CS: variants seen among roughly 807,000 people sequenced by gnomAD.
CS encodes the protein citrate synthase.
Under a neutral mutation model 61.4 loss-of-function variants are expected in CS, and 13 were observed. The observed-to-expected ratio is 0.21, with a 90% CI of 0.14 to 0.34. The LOEUF is 0.34. Ranked by LOEUF, CS falls within the 10% of genes least tolerant of loss-of-function variation. CS has a pLI of 1.00. For synonymous variants in CS, 159 were observed against 215.2 expected (o/e 0.74, Z 2.29); for missense variants, 278 against 573.4 (o/e 0.48, Z 5.26).
chr12:56,296,033 T>C (rs548337296), intron 1 of CS, among the ~76,000 whole-genome samples: 1 of 150,922 alleles, frequency 6.6e-6, no homozygotes, highest in Non-Finnish European at 1.5e-5. Context: ...TACAAGAAAC[T>C]TTTCCAGATC....
At chr12:56,291,349 C>A in intron 1 of CS, 1 of 875,024 alleles carries the variant, frequency 1.1e-6, no homozygotes, top group Non-Finnish European at 1.4e-6. Context: ...TTCTTTCTTT[C>A]TTTCTTTTTT....
chr12:56,290,108 C>T (rs1873071244), intron 1 of CS, among the ~76,000 whole-genome samples: 1 of 151,968 alleles, frequency 6.6e-6, no homozygotes, highest in Non-Finnish European at 1.5e-5. Flanking sequence ...GTTGGCCAGG[C>T]TGGTCTCAAA....
At chr12:56,275,660 C>G (rs1308148887) in intron 7 of CS, 6 of 363,170 alleles carry the variant, frequency 1.7e-5, no homozygotes, top group Non-Finnish European at 3.1e-5. Flanking sequence ...TTGATGATGC[C>G]TGTATGCTCT....
At chr12:56,300,086 A>T (rs1337227844) in intron 1 of CS, 74 bp downstream of exon 1, 2 of 1,457,496 alleles carry the variant, frequency 1.4e-6, no homozygotes, top group Admixed American at 2.2e-5. Flanking sequence ...TGGGAGGGAG[A>T]CCCCGGCGCC....
chr12:56,277,327 G>A (rs1244038183), intron 6 of CS, among the ~76,000 whole-genome samples: 11 of 149,976 alleles, frequency 7.3e-5, no homozygotes, highest in Non-Finnish European at 7.4e-5. Flanking sequence ...GTGAAACCCC[G>A]TCTCTACTAA....
intron 1 of CS, chr12:56,291,866 T>C (rs1873134581): frequency 1.3e-5 from 2 of 152,222 alleles, no homozygotes; most frequent in Non-Finnish European, 2.9e-5. Flanking sequence ...CAGCCAGTAT[T>C]CTCTATAGGG....
At chr12:56,283,638 T>C (rs1294316766) in intron 4 of CS, among the ~76,000 whole-genome samples, 154 bp downstream of exon 4, 1 of 152,222 alleles carries the variant, frequency 6.6e-6, no homozygotes, top group Non-Finnish European at 1.5e-5. Context: ...AAAGGTAAAT[T>C]TGTTCTTCAA....
chr12:56,275,651 T>C (rs1022827258), intron 7 of CS: 3 of 329,996 alleles, frequency 9.1e-6, no homozygotes, highest in African/African-American at 6.4e-5. Flanking sequence ...GGTTACTGGT[T>C]GATGATGCCT....
At chr12:56,286,539 C>T in intron 2 of CS, 56 bp downstream of exon 2, 1 of 1,552,182 alleles carries the variant, frequency 6.4e-7, no homozygotes, top group South Asian at 1.1e-5. Flanking sequence ...TCCTCTGCCC[C>T]AAGGTCAGGC....
Position 56,271,779 on chromosome 12 carries a change from G to T in CS, c.*1305C>A, listed in dbSNP as rs1466317646. ...ATCATGACTTGACAGTTACCCAGGG[G>T]TTTACAGTGTGTCCAACTCAACAGT... is the stretch of plus-strand genomic sequence containing the variant. On this transcript the variant is annotated 3_prime_UTR_variant, in exon 11 of 11. Coordinates refer to ENST00000351328, the MANE Select transcript of CS (RefSeq NM_004077.3). The T allele has an allele frequency of 2.3e-6, 1 of 434,080 alleles. No homozygotes were observed. The highest frequency in any genetic ancestry group is 2.0e-5 in the African/African-American group (1 of 49,178). The allele number at this position is 434,080 out of a possible 1,614,324, so 26.9% of individuals were successfully genotyped here.
At chr12:56,288,672 G>C (rs1347286167) in intron 1 of CS, among the ~76,000 whole-genome samples, 2 of 151,734 alleles carry the variant, frequency 1.3e-5, no homozygotes, top group African/African-American at 2.4e-5. Context: ...AGGCCCTTCA[G>C]AAAGGTCACT....
intron 1 of CS, chr12:56,298,555 A>G: frequency 2.3e-6 from 2 of 878,828 alleles, no homozygotes; most frequent in Non-Finnish European, 1.4e-6. Context: ...AGTGTCCCCC[A>G]TTCTGCCAAA....
In CS at chr12:56,282,567, C is replaced by T. The variant is rs546393279; in HGVS notation, c.441G>A (p.Leu147=). Residue 147 remains leucine (L), a synonymous_variant, in exon 6 of 11, where the codon CTG becomes CTA. Coordinates refer to ENST00000351328, the MANE Select transcript of CS (RefSeq NM_004077.3). ...LSKEWAKRAA[L]PSHVVTMLDN... is the part of the protein sequence containing the mutation. ...CCAGCATGGTGACCACATGGGAAGGCAGAGCTGCCCTCTTTGCCCACTCTT... is the reference window on the plus strand; with the variant it reads ...CCAGCATGGTGACCACATGGGAAGGTAGAGCTGCCCTCTTTGCCCACTCTT... 1.8e-5 allele frequency: 29 copies of T among 1,610,926 alleles called. 1 individual carries two copies. Among genetic ancestry groups the T allele is most frequent in the South Asian group, 1.7e-4 (15 of 90,546 alleles).
rs868654281 is a variant in CS, at chr12:56,294,851, C to A, written c.42+5309G>T. On this transcript the variant is annotated intron_variant, in intron 1 of 10. Coordinates refer to ENST00000351328, the MANE Select transcript of CS (RefSeq NM_004077.3). ...TGGCATGATCTCAGCTCACAGCAAC[C>A]TCTGCCACCCGGATTCAAGTGATTC... is the stretch of plus-strand genomic sequence containing the variant. 3.0e-4 allele frequency among the ~76,000 whole-genome samples: 46 copies of A among 152,254 alleles called. 1 individual carries two copies. Among genetic ancestry groups the A allele is most frequent in the Non-Finnish European group, 4.9e-4 (33 of 68,004 alleles).
chr12:56,273,228 G>A lies in CS; in HGVS notation c.1257C>T (p.Tyr419=). ...LQYYGMTEMN[Y]YTVLFGVSRA... is the part of the protein sequence containing the mutation. ...GTGACACCCCAAACAGGACCGTGTA[G>A]TAATTCATCTCCGTCATGCCATAAT... Residue 419 remains tyrosine, a synonymous_variant, in exon 11 of 11, where the codon TAC becomes TAT. Coordinates refer to ENST00000351328, the MANE Select transcript of CS (RefSeq NM_004077.3). The A allele has an allele frequency of 6.2e-7, 1 of 1,614,136 alleles. No homozygotes were observed. Among genetic ancestry groups the A allele is most frequent in the South Asian group, 1.1e-5 (1 of 91,062 alleles).
chr12:56,273,594 A>G lies in CS; in HGVS notation c.1223T>C (p.Leu408Pro). The G allele has an allele frequency of 6.2e-7, 1 of 1,613,990 alleles. No homozygotes were observed. Among genetic ancestry groups the G allele is most frequent in the Non-Finnish European group, 8.5e-7 (1 of 1,179,848 alleles). ...AGGGAAAGGAGGACTTACCTGGAGCAGCACCCCACTGTGAGCATCTACATT... is the reference window on the plus strand; with the variant it reads ...AGGGAAAGGAGGACTTACCTGGAGCGGCACCCCACTGTGAGCATCTACATT... ...WPNVDAHSGV[L>P]LQYYGMTEMN... The change falls in exon 10 of 11, where the codon CTG becomes CCG. Residue 408 changes from leucine to proline, a missense_variant. Transcript: ENST00000351328.
chr12:56,295,753 G>A (rs1873279910), intron 1 of CS, among the ~76,000 whole-genome samples: 1 of 151,308 alleles, frequency 6.6e-6, no homozygotes, highest in Non-Finnish European at 1.5e-5. Context: ...AGGAGATCGA[G>A]ACCATCCTGG....
chr12:56,275,192 T>C (rs1872597273), intron 7 of CS, 61 bp from the exon 8 acceptor site: 2 of 1,606,482 alleles, frequency 1.2e-6, no homozygotes, highest in Admixed American at 1.7e-5. Flanking sequence ...ATGGAAACTT[T>C]GCTGTTCTCT....
At position 56,271,912 on chromosome 12, in the gene CS, G is replaced by A. The variant is rs1260036372; in HGVS notation, c.*1172C>T. On this transcript the variant is annotated 3_prime_UTR_variant, in exon 11 of 11. Transcript: ENST00000351328. ...CCTTTCTCAAAGAAAAAGAAGTAGA[G>A]CATTCTGAGTTGCTGAAAACCTGTG... is the stretch of plus-strand genomic sequence containing the variant. 4.4e-6 allele frequency: 2 copies of A among 456,242 alleles called. No homozygotes were observed. The highest frequency in any genetic ancestry group is 8.8e-6 in the Non-Finnish European group (2 of 226,760). 28.3% of individuals were successfully genotyped at this position (456,242 alleles called of 1,614,324 possible).
Sources: allele counts gnomAD v4.1 joint callset (sites outside exome capture counted in the v4.1 genomes callset), GRCh38; gene constraint gnomAD v4.1.1; transcripts MANE v1.5; gene names NCBI Gene and HGNC (gene_info 2026-07-23, HGNC 2026-07-21).